SLC24A4: variants seen among roughly 807,000 people sequenced by gnomAD.
SLC24A4 encodes the protein sodium/potassium/calcium exchanger 4.
Under a neutral mutation model 79.0 loss-of-function variants are expected in SLC24A4, and 53 were observed. That is an observed-to-expected ratio of 0.67 (90% CI 0.54 to 0.84). SLC24A4 has a LOEUF of 0.84. Among genes scored for constraint, SLC24A4 ranks in the 40% least tolerant of loss-of-function variants. The probability of loss-of-function intolerance (pLI) is 0.00; values close to 1 mark genes in which losing one functional copy is unlikely to be tolerated. For missense variants in SLC24A4, 731 were observed against 822.0 expected, an observed-to-expected ratio of 0.89 and a Z score of 1.35; for synonymous variants, 323 against 323.8, an observed-to-expected ratio of 1.00 and a Z score of 0.03.
At chr14:92,491,633 T>C in intron 14 of SLC24A4, 32 bp from the exon 15 acceptor site, 1 of 1,467,152 alleles carries the variant, frequency 6.8e-7, no homozygotes, top group Non-Finnish European at 9.6e-7. Flanking sequence ...TGACCTGCTC[T>C]TATAAAATAA....
chr14:92,486,827 G>A (rs1376903628), intron 14 of SLC24A4, 47 bp downstream of exon 14: 2 of 1,391,124 alleles, frequency 1.4e-6, no homozygotes, highest in Non-Finnish European at 2.0e-6. Flanking sequence ...GCAGGCCACT[G>A]TGTCCTCGTC....
chr14:92,361,554 C>T (rs561523506), intron 2 of SLC24A4, among the ~76,000 whole-genome samples: 38 of 152,222 alleles, frequency 2.5e-4, no homozygotes, highest in African/African-American at 8.9e-4. Context: ...TAGATTTGTT[C>T]CACCAACACA....
chr14:92,385,495 T>TAAA (rs1889101431), intron 2 of SLC24A4, among the ~76,000 whole-genome samples: 2 of 111,084 alleles, frequency 1.8e-5, no homozygotes, highest in Non-Finnish European at 3.5e-5. Context: ...GACTCCGTCT[T>TAAA]TAAAAAAAAA....
intron 2 of SLC24A4, among the ~76,000 whole-genome samples, chr14:92,395,988 G>GT (rs1889752110): frequency 1.3e-5 from 2 of 152,118 alleles, no homozygotes; most frequent in African/African-American, 4.8e-5. Flanking sequence ...ACCACACTCA[G>GT]CTAATTTTTG....
Position 92,454,951 on chromosome 14 carries a change from G to A in SLC24A4, c.1050+882G>A, listed in dbSNP as rs920966384. ...ATTGTACCCACTGGGTGCTGAGAGG[G>A]TGGGGAGGGTTGAATAACTTTTAAG... On this transcript the variant is annotated intron_variant, in intron 11 of 16. Coordinates refer to ENST00000532405, the MANE Select transcript of SLC24A4 (RefSeq NM_153646.4). Among the ~76,000 whole-genome samples, 2 of 152,174 alleles carry A rather than the reference G, an allele frequency of 1.3e-5. 1 individual carries two copies. The highest frequency in any genetic ancestry group is 2.9e-5 in the Non-Finnish European group (2 of 68,042).
chr14:92,335,036 C>T (rs1334094667), intron 2 of SLC24A4, among the ~76,000 whole-genome samples: 2 of 152,040 alleles, frequency 1.3e-5, no homozygotes, highest in Non-Finnish European at 2.9e-5. Context: ...CTCAGTTTGC[C>T]GATGAAGTGA....
chr14:92,389,430 C>A (rs1304972751), intron 2 of SLC24A4, among the ~76,000 whole-genome samples: 4 of 152,156 alleles, frequency 2.6e-5, no homozygotes, highest in African/African-American at 9.7e-5. Flanking sequence ...AACCACCGTT[C>A]TTCCCCATGA....
At chr14:92,413,590 A>C (rs74665424) in intron 2 of SLC24A4, among the ~76,000 whole-genome samples, 1 of 152,180 alleles carries the variant, frequency 6.6e-6, no homozygotes, top group Non-Finnish European at 1.5e-5. Context: ...GTAGGTTGCA[A>C]ACGTTGCCTG....
At chr14:92,458,976 G>T (rs976897596) in intron 12 of SLC24A4, among the ~76,000 whole-genome samples, 5 of 152,178 alleles carry the variant, frequency 3.3e-5, no homozygotes, top group Non-Finnish European at 7.3e-5. Context: ...AGTTCTATGT[G>T]CCCCTTCTCC....
chr14:92,375,306 C>A (rs1289056910), intron 2 of SLC24A4, among the ~76,000 whole-genome samples: 1 of 152,112 alleles, frequency 6.6e-6, no homozygotes, highest in East Asian at 1.9e-4. Flanking sequence ...AGGAAAATAA[C>A]AAGTGTTGGG....
intron 2 of SLC24A4, among the ~76,000 whole-genome samples, chr14:92,393,126 T>C (rs1336359914): frequency 6.6e-6 from 1 of 152,260 alleles, no homozygotes; most frequent in East Asian, 1.9e-4. Flanking sequence ...GAATACACTC[T>C]CACCAGCCAT....
chr14:92,430,713 T>G (rs1375548634), intron 2 of SLC24A4, among the ~76,000 whole-genome samples: 2 of 152,200 alleles, frequency 1.3e-5, no homozygotes. Flanking sequence ...CTGTCCCTCC[T>G]TTCCCTTCAC....
chr14:92,426,225 G>A (rs1192749925), intron 2 of SLC24A4, among the ~76,000 whole-genome samples: 1 of 152,108 alleles, frequency 6.6e-6, no homozygotes, highest in Non-Finnish European at 1.5e-5. Flanking sequence ...TCATGATTCT[G>A]ATGTCTGGAA....
At chr14:92,489,854 G>C (rs767846658) in intron 14 of SLC24A4, among the ~76,000 whole-genome samples, 3 of 152,148 alleles carry the variant, frequency 2.0e-5, no homozygotes, top group Admixed American at 6.6e-5. Flanking sequence ...CTGACCTGCC[G>C]GAGTGCCTGC....
chr14:92,433,575 A>G (rs1300644613), intron 2 of SLC24A4, among the ~76,000 whole-genome samples: 1 of 152,206 alleles, frequency 6.6e-6, no homozygotes, highest in African/African-American at 2.4e-5. Flanking sequence ...TTGAAATTCC[A>G]GTACCTCCGT....
At chr14:92,440,594 A>G (rs1892436534) in intron 4 of SLC24A4, among the ~76,000 whole-genome samples, 1 of 152,070 alleles carries the variant, frequency 6.6e-6, no homozygotes, top group Admixed American at 6.5e-5. Context: ...GTGGGTGACT[A>G]CAGTGTAGGG....
chr14:92,408,321 A>T, intron 2 of SLC24A4: 1 of 887,010 alleles, frequency 1.1e-6, no homozygotes, highest in Non-Finnish European at 1.4e-6. Context: ...TTCTGGGCCT[A>T]TCTGTTTAAG....
chr14:92,367,564 G>A (rs2141679592), intron 2 of SLC24A4, among the ~76,000 whole-genome samples: 1 of 152,332 alleles, frequency 6.6e-6, no homozygotes, highest in African/African-American at 2.4e-5. Context: ...GAGAAGTGAA[G>A]GGGTATCAAG....
rs1196478270 is a variant in SLC24A4 at position 92,323,792 on chromosome 14, C to T, written c.-39C>T. 1.3e-6 allele frequency: 2 copies of T among 1,536,550 alleles called. No individual in the cohort carries two copies. Among genetic ancestry groups the T allele is most frequent in the Non-Finnish European group, 1.7e-6 (2 of 1,147,502 alleles). On this transcript the variant is annotated 5_prime_UTR_variant, in exon 1 of 17. Transcript: ENST00000532405. This position sits in a 1 kb window ranked among gnomAD's most constrained non-coding sequence, Gnocchi z 4.9. ...TGATTGCACTCTGGCCGCTGAAGCT[C>T]CCCATCCTCTCCCAGAGACGGCACC...
Sources: allele counts gnomAD v4.1 joint callset (sites outside exome capture counted in the v4.1 genomes callset), GRCh38; gene constraint gnomAD v4.1.1; non-coding constraint Gnocchi (gnomAD v3.1); transcripts MANE v1.5; gene names NCBI Gene and HGNC (gene_info 2026-07-23, HGNC 2026-07-21).